The following CARMIL1 variants were observed in gnomAD, a reference collection of about 807,000 sequenced individuals.
CARMIL1 encodes the protein capping protein regulator and myosin 1 linker 1, also known as F-actin-uncapping protein LRRC16A.
A neutral mutation model predicts 177.1 loss-of-function variants in CARMIL1; 90 were observed. The observed-to-expected ratio is 0.51, with a 90% CI of 0.43 to 0.61. The LOEUF is 0.61. CARMIL1 is among the 20% of genes least tolerant of loss of function. The probability of loss-of-function intolerance (pLI) is 0.00; values close to 1 mark genes in which losing one functional copy is unlikely to be tolerated. For missense variants in CARMIL1, 1,380 were observed against 1,667.0 expected (o/e 0.83, Z 3.00); for synonymous variants, 577 against 606.2 (o/e 0.95, Z 0.71).
intron 5 of CARMIL1, among the ~76,000 whole-genome samples, chr6:25,443,872 C>T (rs113052971): frequency 0.014 from 2,100 of 151,906 alleles, 25 homozygotes; most frequent in African/African-American, 0.035. Flanking sequence ...GGCACGATCT[C>T]GGCTCACTGC....
chr6:25,504,810 T>C (rs1804753770), intron 17 of CARMIL1, among the ~76,000 whole-genome samples: 1 of 152,208 alleles, frequency 6.6e-6, no homozygotes, highest in Non-Finnish European at 1.5e-5. Flanking sequence ...GCGTGAGCAC[T>C]TTGGAATCAA....
chr6:25,439,511 G>A (rs1012812293), intron 5 of CARMIL1, among the ~76,000 whole-genome samples: 9 of 152,334 alleles, frequency 5.9e-5, no homozygotes, highest in African/African-American at 1.2e-4. Context: ...GGTAAGGACT[G>A]GCTGTCAAGG....
At chr6:25,572,464 G>A (rs541002074) in intron 29 of CARMIL1, among the ~76,000 whole-genome samples, 77 of 152,182 alleles carry the variant, frequency 5.1e-4, no homozygotes, top group African/African-American at 1.7e-3. Context: ...ACTTTAGGGG[G>A]CCAAGGCAGG....
chr6:25,535,724 A>C (rs1808232911), intron 24 of CARMIL1, among the ~76,000 whole-genome samples: 1 of 152,214 alleles, frequency 6.6e-6, no homozygotes, highest in Non-Finnish European at 1.5e-5. Context: ...TGAGAGACGA[A>C]TTATGAACTG....
chr6:25,364,454 A>C (rs926474162), intron 2 of CARMIL1, among the ~76,000 whole-genome samples: 1 of 152,204 alleles, frequency 6.6e-6, no homozygotes, highest in Non-Finnish European at 1.5e-5. Flanking sequence ...TAGTCTCTAT[A>C]AATGGAACTA....
At chr6:25,617,976 C>T (rs77532255) in intron 36 of CARMIL1, among the ~76,000 whole-genome samples, 194 of 152,214 alleles carry the variant, frequency 1.3e-3, no homozygotes, top group African/African-American at 4.1e-3. Flanking sequence ...TGAGAATTTG[C>T]CTGAATCTGT....
At position 25,279,419 on chromosome 6, in the gene CARMIL1, C is replaced by G. The variant is rs1780886105; in HGVS notation, c.-377C>G. The stretch of plus-strand genomic sequence containing the variant: ...CTTTCACCTAGGGCTGTAGGTGCGG[C>G]GCGGAGGCTGGGCGGGAGCTACGCC... On this transcript the variant is annotated 5_prime_UTR_variant, in exon 1 of 37. Transcript: ENST00000329474. 3.4e-5 allele frequency: 12 copies of G among 348,550 alleles called. No homozygotes were observed. Among genetic ancestry groups the G allele is most frequent in the South Asian group, 3.1e-4 (11 of 35,514 alleles). The allele number at this position is 348,550 out of a possible 1,614,324, so 21.6% of individuals were successfully genotyped here.
intron 28 of CARMIL1, among the ~76,000 whole-genome samples, chr6:25,555,999 A>C (rs1186267982): frequency 6.6e-6 from 1 of 152,184 alleles, no homozygotes; most frequent in African/African-American, 2.4e-5. Flanking sequence ...AAAGAGATTA[A>C]GTCTCATATG....
chr6:25,563,475 T>G (rs1350076718), intron 29 of CARMIL1: 4 of 985,330 alleles, frequency 4.1e-6, no homozygotes, highest in African/African-American at 1.7e-5. Flanking sequence ...TAAAGAGGAC[T>G]TGTTTACCCA....
In CARMIL1 at chr6:25,341,241, G is replaced by A. The variant is rs578143192; in HGVS notation, c.138+56332G>A. Among the ~76,000 whole-genome samples, 6 of 152,168 alleles carry A rather than the reference G, an allele frequency of 3.9e-5. No homozygotes were observed. The South Asian group carries it at 1.2e-3, about 31-fold the overall frequency. On this transcript the variant is annotated intron_variant, in intron 2 of 36. Transcript: ENST00000329474. ...CTGCGCTGGGATTTAAGTTGAGGTA[G>A]TCAGATTCCAGAGAGATCTGAGACT... is the stretch of plus-strand genomic sequence containing the variant.
intron 5 of CARMIL1, among the ~76,000 whole-genome samples, chr6:25,448,671 G>T (rs1008057253): frequency 6.6e-6 from 1 of 152,128 alleles, no homozygotes; most frequent in Non-Finnish European, 1.5e-5. Context: ...TTCCACTAGT[G>T]CCTGGTTATT....
intron 17 of CARMIL1, among the ~76,000 whole-genome samples, chr6:25,505,844 T>A (rs1747568): frequency 2.0e-5 from 3 of 152,004 alleles, no homozygotes; most frequent in African/African-American, 2.4e-5. Flanking sequence ...TTCTTCAAAC[T>A]TAGTCTCCTT....
intron 20 of CARMIL1, among the ~76,000 whole-genome samples, chr6:25,512,997 C>G (rs1026430927): frequency 6.6e-6 from 1 of 152,120 alleles, no homozygotes; most frequent in Non-Finnish European, 1.5e-5. Flanking sequence ...GAAGGGATGA[C>G]CTTATAAATA....
At chr6:25,420,297 C>A in intron 3 of CARMIL1, 133 bp downstream of exon 3, 1 of 809,248 alleles carries the variant, frequency 1.2e-6, no homozygotes, top group Non-Finnish European at 2.1e-6. Flanking sequence ...ACACACCTCA[C>A]TTACATAGAC....
intron 10 of CARMIL1, 119 bp downstream of exon 10, chr6:25,471,376 T>C: frequency 3.3e-6 from 2 of 606,812 alleles, no homozygotes; most frequent in Non-Finnish European, 5.4e-6. Flanking sequence ...CAGCAATGTT[T>C]TTCCTTCTGG....
intron 2 of CARMIL1, among the ~76,000 whole-genome samples, chr6:25,418,687 G>GGCA (rs1795574079): frequency 1.3e-5 from 2 of 152,184 alleles, no homozygotes; most frequent in African/African-American, 4.8e-5. Context: ...AGAAGGCACT[G>GGCA]GTTGCCTACA....
chr6:25,522,096 G>C (rs1417908022), intron 23 of CARMIL1, among the ~76,000 whole-genome samples: 1 of 152,138 alleles, frequency 6.6e-6, no homozygotes, highest in Non-Finnish European at 1.5e-5. Context: ...CCATTGTGTA[G>C]CATAAATCTC....
intron 2 of CARMIL1, among the ~76,000 whole-genome samples, chr6:25,344,207 T>G (rs186119446): frequency 4.4e-4 from 67 of 152,200 alleles, no homozygotes; most frequent in Admixed American, 2.8e-3. Flanking sequence ...TCCTCTTCTC[T>G]CGCAAGCCTC....
chr6:25,308,973 G>A (rs914975557), intron 2 of CARMIL1, among the ~76,000 whole-genome samples: 10 of 152,230 alleles, frequency 6.6e-5, no homozygotes, highest in African/African-American at 2.4e-4. Flanking sequence ...TAGAAGCCAG[G>A]GATAAGTAAA....
Sources: gnomAD v4.1 joint callset for allele counts (sites outside exome capture counted in the v4.1 genomes callset) on GRCh38, gnomAD v4.1.1 for gene constraint, MANE v1.5 for transcripts, NCBI Gene and HGNC (gene_info 2026-07-23, HGNC 2026-07-21) for gene names.